The following NFATC2 variants were observed in gnomAD, a reference collection of about 807,000 sequenced individuals.
The protein encoded by NFATC2 is nuclear factor of activated T cells 2, also known as nuclear factor of activated T-cells, cytoplasmic 2.
Under a neutral mutation model 87.3 loss-of-function variants are expected in NFATC2, and 22 were observed. That is an observed-to-expected ratio of 0.25 (90% confidence interval 0.18 to 0.36). The LOEUF (loss-of-function observed/expected upper bound fraction) is 0.36. NFATC2 is among the 10% of genes least tolerant of loss of function. The pLI, the probability that NFATC2 is intolerant of heterozygous loss-of-function variation, is 1.00. For missense variants in NFATC2, 1,149 were observed against 1,259.1 expected (o/e 0.91, Z 1.32); for synonymous variants, 565 against 542.2 (o/e 1.04, Z -0.58).
At chr20:51,546,559 C>A (rs919056225), upstream of NFATC2, among the ~76,000 whole-genome samples, 18 of 152,106 alleles carry the variant, frequency 1.2e-4, no homozygotes, top group Admixed American at 1.2e-3. Context: ...TTTGGACACC[C>A]TGGCCTCTGA....
chr20:51,527,714 A>C (rs1318636057), intron 1 of NFATC2, among the ~76,000 whole-genome samples: 1 of 152,250 alleles, frequency 6.6e-6, no homozygotes, highest in Non-Finnish European at 1.5e-5. Flanking sequence ...CTATAACTCT[A>C]GAGAGGGTCA....
At position 51,523,338 on chromosome 20, in the gene NFATC2, G is replaced by T. The variant is rs774678617; in HGVS notation, c.903C>A (p.Ala301=). 3 of 1,612,298 alleles carry T rather than the reference G, an allele frequency of 1.9e-6. No homozygotes were observed. The Admixed American group carries it at 5.0e-5, about 27-fold the overall frequency. ...PAGYPPVAGS[A]VIMDALNSLA... ...GGCTGTTCAGGGCATCCATGATCAC[G>T]GCAGAGCCAGCCACAGGGGGGTACC... Residue 301 remains alanine (A), a synonymous_variant, in exon 2 of 11, where the codon GCC becomes GCA. Coordinates refer to ENST00000371564, the MANE Select transcript of NFATC2 (RefSeq NM_012340.5). This position sits in a 1 kb window ranked among gnomAD's most constrained non-coding sequence, Gnocchi z 6.9.
intron 9 of NFATC2, among the ~76,000 whole-genome samples, chr20:51,426,224 A>C (rs1205869907): frequency 1.3e-5 from 2 of 152,236 alleles, no homozygotes; most frequent in African/African-American, 4.8e-5. Context: ...CACAGCTATA[A>C]TCCCAGCACT....
chr20:51,464,228 T>C, intron 5 of NFATC2, among the ~76,000 whole-genome samples: 1 of 152,192 alleles, frequency 6.6e-6, no homozygotes. Context: ...CCGTCCACAC[T>C]GGGCCACCAC....
At chr20:51,469,025 AT>A (rs11428690) in intron 5 of NFATC2, among the ~76,000 whole-genome samples, 108 of 147,950 alleles carry the variant, frequency 7.3e-4, no homozygotes, top group African/African-American at 2.0e-3. Context: ...GGACATCAGT[AT>A]TTTTTTTTTT....
rs774051014 is a variant in NFATC2 at position 51,387,858 on chromosome 20, C to CGTTTT, written c.*3637_*3638insAAAAC. 1 of 124,792 alleles carries CGTTTT rather than the reference C, an allele frequency of 8.0e-6. No homozygotes were observed. 7.7% of individuals were successfully genotyped at this position (124,792 alleles called of 1,614,324 possible). On this transcript the variant is annotated 3_prime_UTR_variant, in exon 11 of 11. Coordinates refer to ENST00000371564, the MANE Select transcript of NFATC2 (RefSeq NM_012340.5). Reference sequence around the variant, plus strand: ...AGCAATAGAAAGCACTTGGAAAGGTCTTTTTTTTTTTTTTTTTTTGACATG... The same window carrying CGTTTT: ...AGCAATAGAAAGCACTTGGAAAGGTCGTTTTTTTTTTTTTTTTTTTTTTTGACATG...
rs754521776 is a variant in NFATC2 at position 51,542,357 on chromosome 20, A to G, written c.130+13T>C. 2 of 1,603,198 alleles carry G rather than the reference A, an allele frequency of 1.2e-6. No homozygotes were observed. Among genetic ancestry groups the G allele is most frequent in the Non-Finnish European group, 8.5e-7 (1 of 1,174,512 alleles). ...CGGGCTCAGGGGCCAGGCCAGGGGTAGCCTCCACCGACCTTCGTTCGGATT... is the reference window on the plus strand; with the variant it reads ...CGGGCTCAGGGGCCAGGCCAGGGGTGGCCTCCACCGACCTTCGTTCGGATT... On this transcript the variant is annotated intron_variant, in intron 1 of 10. Coordinates refer to ENST00000371564, the MANE Select transcript of NFATC2 (RefSeq NM_012340.5).
chr20:51,499,440 G>A (rs2076043733), intron 3 of NFATC2, among the ~76,000 whole-genome samples: 2 of 152,130 alleles, frequency 1.3e-5, no homozygotes, highest in African/African-American at 4.8e-5. Context: ...AAGCAGATGA[G>A]AAAGAGAAAG....
rs752511466 is a variant in NFATC2 at position 51,418,659 on chromosome 20, G to GTT, written c.2722+13406_2722+13407dup. Among the ~76,000 whole-genome samples the GTT allele has an allele frequency of 3.7e-3, 459 of 125,072 alleles. 5 individuals are homozygous for GTT. The highest frequency in any genetic ancestry group is 0.016 in the East Asian group (70 of 4,352). 82.1% of individuals were successfully genotyped at this position (125,072 alleles called of 152,430 possible). Reference sequence around the variant, plus strand: ...TAGGTTTTCTTTTGTTGTTTGTTTGGTTTTTTTTTTTTTTTTTTTTTGAGA... The same window carrying GTT: ...TAGGTTTTCTTTTGTTGTTTGTTTGGTTTTTTTTTTTTTTTTTTTTTTTGAGA... On this transcript the variant is annotated intron_variant, in intron 9 of 10. Coordinates refer to ENST00000371564, the MANE Select transcript of NFATC2 (RefSeq NM_012340.5).
intron 6 of NFATC2, among the ~76,000 whole-genome samples, chr20:51,450,544 T>C (rs1345294052): frequency 6.6e-6 from 1 of 152,218 alleles, no homozygotes; most frequent in Non-Finnish European, 1.5e-5. Context: ...GAGCACTAAG[T>C]GCATGCTGCT....
intron 5 of NFATC2, among the ~76,000 whole-genome samples, chr20:51,459,856 G>T (rs2146453577): frequency 6.6e-6 from 1 of 152,128 alleles, no homozygotes; most frequent in Middle Eastern, 3.4e-3. Flanking sequence ...TCCAGGCTGG[G>T]CAATAAAGCA....
At chr20:51,533,096 C>G (rs2076662219) in intron 1 of NFATC2, among the ~76,000 whole-genome samples, 1 of 152,226 alleles carries the variant, frequency 6.6e-6, no homozygotes, top group African/African-American at 2.4e-5. Context: ...ACAGCTGGCA[C>G]CGCAGATCTG....
intron 9 of NFATC2, among the ~76,000 whole-genome samples, chr20:51,416,043 C>T (rs1456355501): frequency 1.3e-5 from 2 of 152,036 alleles, no homozygotes; most frequent in Non-Finnish European, 2.9e-5. Flanking sequence ...GGGTGGATCA[C>T]TTGATGTCAG....
intron 3 of NFATC2, among the ~76,000 whole-genome samples, chr20:51,509,986 A>T (rs1192595916): frequency 6.6e-6 from 1 of 152,194 alleles, no homozygotes; most frequent in East Asian, 1.9e-4. Context: ...ATCTGCAAGG[A>T]ATTCCTCGTA....
intron 1 of NFATC2, among the ~76,000 whole-genome samples, chr20:51,538,526 A>C (rs180777575): frequency 5.3e-5 from 8 of 152,352 alleles, no homozygotes; most frequent in Non-Finnish European, 1.2e-4. Context: ...GGTATTAGTT[A>C]ATGCAATTAG....
intron 3 of NFATC2, among the ~76,000 whole-genome samples, chr20:51,511,111 C>T (rs1031994698): frequency 7.9e-5 from 12 of 152,216 alleles, no homozygotes; most frequent in African/African-American, 2.9e-4. Flanking sequence ...CACCCACATT[C>T]CCACATGTCA....
chr20:51,520,096 G>A (rs961761484), intron 2 of NFATC2, among the ~76,000 whole-genome samples: 1 of 152,252 alleles, frequency 6.6e-6, no homozygotes, highest in Non-Finnish European at 1.5e-5. Flanking sequence ...ACATCGGCTG[G>A]CACAGGTTGG....
intron 1 of NFATC2, among the ~76,000 whole-genome samples, chr20:51,558,948 C>T (rs1431976119): frequency 1.3e-5 from 2 of 152,186 alleles, no homozygotes; most frequent in East Asian, 3.8e-4. Context: ...AAATAGGAGA[C>T]CCGATCCCTG....
chr20:51,484,026 C>T (rs1444400646), intron 3 of NFATC2, among the ~76,000 whole-genome samples: 2 of 152,218 alleles, frequency 1.3e-5, no homozygotes, highest in Non-Finnish European at 1.5e-5. Flanking sequence ...CATCAAAAAG[C>T]CCGAGTCCTT....
Sources: allele counts gnomAD v4.1 joint callset (sites outside exome capture counted in the v4.1 genomes callset), GRCh38; gene constraint gnomAD v4.1.1; non-coding constraint Gnocchi (gnomAD v3.1); transcripts MANE v1.5; gene names NCBI Gene and HGNC (gene_info 2026-07-23, HGNC 2026-07-21).